MCM3AP: variants seen among roughly 807,000 people sequenced by gnomAD.
MCM3AP encodes minichromosome maintenance complex component 3 associated protein, also known as germinal-center associated nuclear protein.
MCM3AP carries 126 observed loss-of-function variants against 184.1 expected under a neutral mutation model. The observed-to-expected ratio is 0.68, with a 90% CI of 0.59 to 0.79. The LOEUF is 0.79. Among genes scored for constraint, MCM3AP ranks in the 30% least tolerant of loss-of-function variants. The pLI, the probability that MCM3AP is intolerant of heterozygous loss-of-function variation, is 0.00. For synonymous variants in MCM3AP, 1,002 were observed against 979.3 expected (o/e 1.02, Z -0.43); for missense variants, 2,496 against 2,479.2 (o/e 1.01, Z -0.14).
intron 26 of MCM3AP, 98 bp downstream of exon 26, chr21:46,240,712 TC>T: frequency 9.3e-7 from 1 of 1,078,042 alleles, no homozygotes; most frequent in Non-Finnish European, 1.4e-6. Flanking sequence ...CCTGCCCTTC[TC>T]CATCCTGGCT....
chr21:46,241,177 G>A, intron 25 of MCM3AP, 160 bp from the exon 26 acceptor site: 3 of 616,944 alleles, frequency 4.9e-6, no homozygotes, highest in Non-Finnish European at 8.6e-6. Context: ...CCCCATGCCT[G>A]CTTCCAAGCT....
At chr21:46,275,041 C>T (rs1028089237) in intron 6 of MCM3AP, 145 bp downstream of exon 6, 2 of 791,374 alleles carry the variant, frequency 2.5e-6, no homozygotes, top group Admixed American at 7.6e-5. Context: ...GTGAACATCT[C>T]ACAATGCAAA....
intron 17 of MCM3AP, chr21:46,256,527 CAG>C: frequency 1.9e-6 from 1 of 526,718 alleles, no homozygotes. Flanking sequence ...GATGCAGAGT[CAG>C]ACTCAGGCAC....
At chr21:46,273,175 A>AT (rs1261804856) in intron 7 of MCM3AP, among the ~76,000 whole-genome samples, 1 of 152,124 alleles carries the variant, frequency 6.6e-6, no homozygotes, top group Non-Finnish European at 1.5e-5. Flanking sequence ...GGGTTTAACC[A>AT]TGTTGGCCAG....
At chr21:46,263,564 A>G (rs1005213013) in intron 13 of MCM3AP, among the ~76,000 whole-genome samples, 3 of 151,850 alleles carry the variant, frequency 2.0e-5, no homozygotes, top group Non-Finnish European at 4.4e-5. Flanking sequence ...CAGGTGGATC[A>G]CTTGAGGCCA....
In MCM3AP at chr21:46,246,660, C is replaced by T. The variant is rs2080776654; in HGVS notation, c.4517G>A (p.Gly1506Glu). Residue 1506 changes from glycine (G) to glutamate (E), a missense_variant, in exon 21 of 28, where the codon GGA becomes GAA. Physicochemically the swap from Gly to Glu is moderately conservative, Grantham distance 98 (BLOSUM62 -2). Transcript: ENST00000291688. ...TACTTCCTTCTCAACGGCGTCCCCT[C>T]CTGGGCTAGGCACAAGAACCACCAG... ...LPLVVLVPSP[G>E]GDAVEKEVED... 4.3e-6 allele frequency: 7 copies of T among 1,613,418 alleles called. No individual in the cohort carries two copies. The highest frequency in any genetic ancestry group is 1.1e-5 in the South Asian group (1 of 91,086).
At chr21:46,235,610 G>GT (rs1402067249) in intron 27 of MCM3AP, among the ~76,000 whole-genome samples, 184 bp from the exon 28 acceptor site, 1 of 152,254 alleles carries the variant, frequency 6.6e-6, no homozygotes, top group East Asian at 1.9e-4. Flanking sequence ...CATTCAGCTG[G>GT]TATCTGTATA....
intron 12 of MCM3AP, 64 bp downstream of exon 12, chr21:46,265,257 G>T: frequency 2.7e-6 from 4 of 1,485,774 alleles, no homozygotes; most frequent in Non-Finnish European, 3.7e-6. Context: ...ATGGGGTGAT[G>T]ACTAAGGACG....
At chr21:46,279,878 C>T in intron 4 of MCM3AP, 115 bp downstream of exon 4, 1 of 1,021,666 alleles carries the variant, frequency 9.8e-7, no homozygotes. Context: ...TCCCTAGCAA[C>T]TGGCTTTTGT....
intron 15 of MCM3AP, among the ~76,000 whole-genome samples, chr21:46,260,539 C>G (rs1023383336): frequency 3.3e-5 from 5 of 152,192 alleles, no homozygotes; most frequent in African/African-American, 1.2e-4. Flanking sequence ...ATGATAAATG[C>G]CAGTGGCTAA....
Position 46,284,747 on chromosome 21 carries a change from G to C in MCM3AP, c.540C>G (p.His180Gln). 2.5e-6 allele frequency: 4 copies of C among 1,613,856 alleles called. No homozygotes were observed. The South Asian group carries it at 4.4e-5, about 18-fold the overall frequency. The change falls in exon 1 of 28, where the codon CAC (histidine) becomes CAG (glutamine). Residue 180 changes from histidine (H) to glutamine (Q), a missense_variant. Transcript: ENST00000291688. ...GGCCTCCAGGTGCACTACTAATTGG[G>C]TGGGAAAATGTAAAAAACCCAGAAG... is the stretch of plus-strand genomic sequence containing the variant. ...QIASGFFTFS[H>Q]PISSAPGGLA...
At chr21:46,237,097 A>G (rs937300133) in intron 26 of MCM3AP, 118 bp from the exon 27 acceptor site, 3 of 374,110 alleles carry the variant, frequency 8.0e-6, no homozygotes, top group Non-Finnish European at 1.3e-5. Context: ...AAAATTTTAT[A>G]TAATTTTTTT....
In MCM3AP at chr21:46,265,474, G is replaced by A. The variant is rs758006068; in HGVS notation, c.3081C>T (p.Ser1027=). ...ECGVEPDAPL[S]SLPQSLPAPA... The stretch of plus-strand genomic sequence containing the variant: ...GGGCTGGTAGAGACTGTGGGAGACT[G>A]GACAGGGGTGCATCCGGCTCTACAC... Residue 1027 remains serine, a synonymous_variant, in exon 12 of 28, where the codon TCC becomes TCT. Transcript: ENST00000291688. 1.9e-6 allele frequency: 3 copies of A among 1,613,182 alleles called. No individual in the cohort carries two copies. The South Asian group carries it at 3.3e-5, about 18-fold the overall frequency.
At chr21:46,246,909 A>C in intron 20 of MCM3AP, 23 bp from the exon 21 acceptor site, 2 of 1,610,836 alleles carry the variant, frequency 1.2e-6, no homozygotes, top group Non-Finnish European at 8.5e-7. Flanking sequence ...CAAGATCATC[A>C]GGAGAGATGC....
chr21:46,239,388 G>C (rs79823787), intron 26 of MCM3AP, among the ~76,000 whole-genome samples: 1 of 152,206 alleles, frequency 6.6e-6, no homozygotes, highest in Non-Finnish European at 1.5e-5. Context: ...CTTGAGCCAC[G>C]TGGTGGCCAT....
chr21:46,245,197 C>A lies in MCM3AP; in HGVS notation c.4648G>T (p.Val1550Phe). The change falls in exon 23 of 28, where the codon GTT becomes TTT. Residue 1550 changes from valine to phenylalanine, a missense_variant and splice_region_variant. Physicochemically the swap from Val to Phe is conservative, Grantham distance 50. Transcript: ENST00000291688. ...TINDLQGSTK[V>F]LQAVQWLVSH... ...ACCAGCCACTGCACTGCTTGCAAAACCTGAGAAGAAAGAAGAGACTTGGTT... is the reference window on the plus strand; with the variant it reads ...ACCAGCCACTGCACTGCTTGCAAAAACTGAGAAGAAAGAAGAGACTTGGTT... 6.3e-7 allele frequency: 1 copy of A among 1,577,990 alleles called. No individual in the cohort carries two copies. Among genetic ancestry groups the A allele is most frequent in the Non-Finnish European group, 8.6e-7 (1 of 1,164,466 alleles).
Position 46,261,328 on chromosome 21 carries a change from T to G in MCM3AP, c.3419A>C (p.Lys1140Thr), listed in dbSNP as rs1480398696. ...CTCCTGCTCCCTTCGCTCTCTTTCCTTAGACACTTCTTCAGCTGCAATGTG... is the reference window on the plus strand; with the variant it reads ...CTCCTGCTCCCTTCGCTCTCTTTCCGTAGACACTTCTTCAGCTGCAATGTG... ...LRHIAAEEVSKERERREQERQ... is the reference protein window; with the variant it reads ...LRHIAAEEVSTERERREQERQ... Residue 1140 changes from lysine to threonine, a missense_variant, in exon 14 of 28, where the codon AAG becomes ACG. Transcript: ENST00000291688. 6 of 1,614,182 alleles carry G rather than the reference T, an allele frequency of 3.7e-6. No homozygotes were observed. Among genetic ancestry groups the G allele is most frequent in the South Asian group, 1.1e-5 (1 of 91,086 alleles).
Position 46,249,714 on chromosome 21 carries a change from C to T in MCM3AP, c.4290+1815G>A, listed in dbSNP as rs758345778. On this transcript the variant is annotated intron_variant, in intron 20 of 27. Transcript: ENST00000291688. ...ATACTGCAGCTGCTGCTAATGGCAA[C>T]ACTGAGCAAGCACCTGGCCTGTGCC... is the stretch of plus-strand genomic sequence containing the variant. 12 of 403,042 alleles carry T rather than the reference C, an allele frequency of 3.0e-5. No individual in the cohort carries two copies. In the Middle Eastern group the frequency reaches 1.1e-3, roughly 36 times the overall value. 25.0% of individuals were successfully genotyped at this position (403,042 alleles called of 1,614,324 possible).
chr21:46,256,582 G>A lies in MCM3AP; in HGVS notation c.3932+207C>T, dbSNP rs1741084358. On this transcript the variant is annotated intron_variant, in intron 17 of 27. Transcript: ENST00000291688. The stretch of plus-strand genomic sequence containing the variant: ...CAAGGTGAACTCAGAGCTCTGCTTT[G>A]CCAGTGGAACAAGTCACATGTCCAC... The A allele has an allele frequency of 6.6e-6, 4 of 604,968 alleles. No individual in the cohort carries two copies. In the South Asian group the frequency reaches 8.6e-5, roughly 13 times the overall value. 37.5% of individuals were successfully genotyped at this position (604,968 alleles called of 1,614,324 possible). A position where few individuals can be genotyped will look rare whatever the true frequency, so the allele number is the denominator to read the frequency against.
Sources: allele counts gnomAD v4.1 joint callset (sites outside exome capture counted in the v4.1 genomes callset), GRCh38; gene constraint gnomAD v4.1.1; transcripts MANE v1.5; gene names NCBI Gene and HGNC (gene_info 2026-07-23, HGNC 2026-07-21).